Variants in PKNOX2 observed in about 807,000 individuals in gnomAD.
PKNOX2 encodes the protein homeobox protein PKNOX2.
PKNOX2 carries 14 observed loss-of-function variants against 53.1 expected under a neutral mutation model. The observed-to-expected ratio is 0.26, with a 90% CI of 0.17 to 0.41. The LOEUF is 0.41. PKNOX2 is among the 10% of genes least tolerant of loss of function. PKNOX2 has a pLI of 1.00. For synonymous variants in PKNOX2, 257 were observed against 242.8 expected (o/e 1.06, Z -0.54); for missense variants, 496 against 602.8 (o/e 0.82, Z 1.85).
intron 5 of PKNOX2, among the ~76,000 whole-genome samples, chr11:125,374,480 A>G (rs1369796986): frequency 6.6e-6 from 1 of 152,160 alleles, no homozygotes; most frequent in Non-Finnish European, 1.5e-5. Flanking sequence ...TATAATCTGA[A>G]AAGTGAAACC....
chr11:125,237,702 C>G (rs958906698), intron 2 of PKNOX2, among the ~76,000 whole-genome samples: 36 of 152,298 alleles, frequency 2.4e-4, no homozygotes, highest in African/African-American at 8.2e-4. Flanking sequence ...CCTGGGCAGG[C>G]CATGCTGGTG....
At chr11:125,313,030 TGCTATC>T (rs1422530597) in intron 2 of PKNOX2, among the ~76,000 whole-genome samples, 1 of 152,132 alleles carries the variant, frequency 6.6e-6, no homozygotes, top group Non-Finnish European at 1.5e-5. Context: ...GCCCGTGTCA[TGCTATC>T]GCCTTCCACC....
intron 2 of PKNOX2, among the ~76,000 whole-genome samples, chr11:125,290,886 A>G (rs147926251): frequency 1.9e-3 from 287 of 152,102 alleles, no homozygotes; most frequent in Non-Finnish European, 3.8e-3. Flanking sequence ...GCAGAGTGTC[A>G]TATGGGGGAT....
At chr11:125,256,827 A>G (rs947525746) in intron 2 of PKNOX2, among the ~76,000 whole-genome samples, 28 of 152,332 alleles carry the variant, frequency 1.8e-4, no homozygotes, top group African/African-American at 6.7e-4. Context: ...CTCCAGGAGC[A>G]GGGGAGAGAG....
intron 2 of PKNOX2, among the ~76,000 whole-genome samples, chr11:125,321,439 A>T (rs11600124): frequency 0.026 from 3,887 of 152,300 alleles, 67 homozygotes; most frequent in Non-Finnish European, 0.03. Context: ...ATTACTTATA[A>T]TACCTAATAC....
At chr11:125,374,810 G>C (rs7480886) in intron 5 of PKNOX2, among the ~76,000 whole-genome samples, 16,467 of 152,238 alleles carry the variant, frequency 0.11, 1,222 homozygotes, top group Admixed American at 0.26. Flanking sequence ...AGCTGGCAGT[G>C]CTTGGCACAC....
chr11:125,195,882 T>TGCAC (rs1172751575), intron 1 of PKNOX2, among the ~76,000 whole-genome samples: 10 of 84,212 alleles, frequency 1.2e-4, no homozygotes, highest in African/African-American at 3.2e-4. Context: ...AATATGTACA[T>TGCAC]GCACACACAC....
At chr11:125,327,409 C>T (rs895379688) in intron 2 of PKNOX2, among the ~76,000 whole-genome samples, 1 of 152,230 alleles carries the variant, frequency 6.6e-6, no homozygotes, top group Non-Finnish European at 1.5e-5. Flanking sequence ...GTTCCCTGAA[C>T]CATCCGGGTC....
intron 2 of PKNOX2, among the ~76,000 whole-genome samples, chr11:125,329,866 T>C (rs1253620721): frequency 3.3e-5 from 5 of 152,132 alleles, no homozygotes; most frequent in African/African-American, 1.2e-4. Context: ...GGCCAGCTGC[T>C]TTTTCGACAA....
At chr11:125,264,606 G>A (rs935627500) in intron 2 of PKNOX2, among the ~76,000 whole-genome samples, 1 of 152,090 alleles carries the variant, frequency 6.6e-6, no homozygotes, top group Non-Finnish European at 1.5e-5. Context: ...CTGCCCAGCT[G>A]TCTTGATCTT....
chr11:125,297,892 T>C (rs909507124), intron 2 of PKNOX2, among the ~76,000 whole-genome samples: 3 of 152,186 alleles, frequency 2.0e-5, no homozygotes, highest in African/African-American at 4.8e-5. Flanking sequence ...TAGCTCATTG[T>C]CACATTTCCA....
rs1193340789 is a variant in PKNOX2 at position 125,189,463 on chromosome 11, A to G, written c.-201+24687A>G. ...TGTGTGTGTGTATATATATATATAT[A>G]TATATATATATATATATATATATAT... is the stretch of plus-strand genomic sequence containing the variant. On this transcript the variant is annotated intron_variant, in intron 1 of 12. Coordinates refer to ENST00000298282, the MANE Select transcript of PKNOX2 (RefSeq NM_001382323.2). Among the ~76,000 whole-genome samples, 289 of 108,248 alleles carry G rather than the reference A, an allele frequency of 2.7e-3. 2 individuals carry two copies. The highest frequency in any genetic ancestry group is 8.4e-3 in the African/African-American group (220 of 26,268). The allele number at this position is 108,248 out of a possible 152,430, so 71.0% of individuals were successfully genotyped here.
chr11:125,330,587 C>T (rs563589838), intron 2 of PKNOX2, among the ~76,000 whole-genome samples: 1 of 152,222 alleles, frequency 6.6e-6, no homozygotes, highest in East Asian at 1.9e-4. Context: ...TCCCACCTCC[C>T]AGCACCCTTG....
intron 2 of PKNOX2, among the ~76,000 whole-genome samples, chr11:125,299,550 C>T (rs1382277645): frequency 2.0e-5 from 3 of 152,024 alleles, no homozygotes; most frequent in African/African-American, 7.2e-5. Context: ...CTGGCAGTGC[C>T]ACTACTCCTG....
chr11:125,203,002 G>A (rs1015815499), intron 1 of PKNOX2, among the ~76,000 whole-genome samples: 1 of 152,012 alleles, frequency 6.6e-6, no homozygotes, highest in African/African-American at 2.4e-5. Context: ...TTCCTTATGT[G>A]CTCTTCATTT....
intron 2 of PKNOX2, among the ~76,000 whole-genome samples, chr11:125,236,782 C>G (rs4935914): frequency 0.17 from 25,250 of 152,046 alleles, 2,207 homozygotes; most frequent in African/African-American, 0.2. Flanking sequence ...GAAGAGGAGA[C>G]GGGGAGGCAG....
chr11:125,189,443 GTGTGTATATA>G (rs1176670613), intron 1 of PKNOX2, among the ~76,000 whole-genome samples: 22 of 56,674 alleles, frequency 3.9e-4, no homozygotes, highest in Middle Eastern at 8.1e-3. Context: ...GTGTGTGTGT[GTGTGTATATA>G]TATATATATA....
rs939754969 is a variant in PKNOX2 at position 125,432,909 on chromosome 11, C to T, written c.*1517C>T. On this transcript the variant is annotated 3_prime_UTR_variant, in exon 13 of 13. Coordinates refer to ENST00000298282, the MANE Select transcript of PKNOX2 (RefSeq NM_001382323.2). ...CTTGGGCCCTCTGGGGCTTCCCCTC[C>T]CCCACCTGGTTGGGGTAGAGCAAAA... 1 of 152,634 alleles carries T rather than the reference C, an allele frequency of 6.6e-6. No homozygotes were observed. The highest frequency in any genetic ancestry group is 2.4e-5 in the African/African-American group (1 of 41,456). The allele number at this position is 152,634 out of a possible 1,614,324, so 9.5% of individuals were successfully genotyped here. A position where few individuals can be genotyped will look rare whatever the true frequency, so the allele number is the denominator to read the frequency against.
At chr11:125,353,849 CTTCCCCAAGCTGAGCTG>C (rs1951449694) in intron 4 of PKNOX2, among the ~76,000 whole-genome samples, 1 of 152,090 alleles carries the variant, frequency 6.6e-6, no homozygotes, top group African/African-American at 2.4e-5. Context: ...TGCCATTGGC[CTTCCCCAAGCTGAGCTG>C]GTTCCCAAGG....
Sources: allele counts gnomAD v4.1 joint callset (sites outside exome capture counted in the v4.1 genomes callset), GRCh38; gene constraint gnomAD v4.1.1; transcripts MANE v1.5; gene names NCBI Gene and HGNC (gene_info 2026-07-23, HGNC 2026-07-21).